Variants in ADGRL2 observed in about 807,000 individuals in gnomAD.
The protein encoded by ADGRL2 is adhesion G protein-coupled receptor L2.
A neutral mutation model predicts 157.4 loss-of-function variants in ADGRL2; 44 were observed. The ratio of observed to expected loss-of-function variants is 0.28; its 90% CI spans 0.22 to 0.36. ADGRL2 has a LOEUF of 0.36. Among genes scored for constraint, ADGRL2 ranks in the 10% least tolerant of loss-of-function variants. The pLI, the probability that ADGRL2 is intolerant of heterozygous loss-of-function variation, is 1.00. For synonymous variants in ADGRL2, 585 were observed against 624.7 expected, an observed-to-expected ratio of 0.94 and a Z score of 0.95; for missense variants, 1,510 against 1,768.9, an observed-to-expected ratio of 0.85 and a Z score of 2.63.
At chr1:81,428,591 T>C in intron 1 of ADGRL2, among the ~76,000 whole-genome samples, 1 of 151,752 alleles carries the variant, frequency 6.6e-6, no homozygotes, top group Non-Finnish European at 1.5e-5. Context: ...GAGAGGGAAG[T>C]GGGGGATGCA....
chr1:81,974,885 T>G (rs1659727419), intron 17 of ADGRL2, among the ~76,000 whole-genome samples: 1 of 152,090 alleles, frequency 6.6e-6, no homozygotes, highest in African/African-American at 2.4e-5. Context: ...ATTGGTGGGT[T>G]ATTATAAATA....
intron 2 of ADGRL2, among the ~76,000 whole-genome samples, chr1:81,576,082 A>G (rs116167853): frequency 0.027 from 4,144 of 152,170 alleles, 212 homozygotes; most frequent in African/African-American, 0.095. Context: ...AGGATTAAGC[A>G]TTTTATTTAA....
intron 1 of ADGRL2, among the ~76,000 whole-genome samples, chr1:81,740,105 G>A (rs72715761): frequency 5.3e-5 from 8 of 152,284 alleles, no homozygotes; most frequent in Non-Finnish European, 1.0e-4. Context: ...GAACTCACTT[G>A]TTAGCCCACA....
At chr1:81,519,123 G>A (rs1282111664) in intron 2 of ADGRL2, among the ~76,000 whole-genome samples, 1 of 152,142 alleles carries the variant, frequency 6.6e-6, no homozygotes, top group African/African-American at 2.4e-5. Flanking sequence ...TATTAACAAG[G>A]CAGAGACCTA....
At chr1:81,428,286 A>G (rs2077255564) in intron 1 of ADGRL2, among the ~76,000 whole-genome samples, 1 of 152,080 alleles carries the variant, frequency 6.6e-6, no homozygotes, top group Non-Finnish European at 1.5e-5. Context: ...GCATTTGTGA[A>G]TTTAATAGCA....
chr1:81,413,152 C>T (rs890333835), intron 1 of ADGRL2, among the ~76,000 whole-genome samples: 21 of 152,292 alleles, frequency 1.4e-4, no homozygotes, highest in African/African-American at 4.6e-4. Flanking sequence ...TAGCCCTCCA[C>T]CCACCTCAGC....
intron 2 of ADGRL2, among the ~76,000 whole-genome samples, chr1:81,789,603 G>A (rs1235747354): frequency 6.7e-6 from 1 of 149,424 alleles, no homozygotes; most frequent in Non-Finnish European, 1.5e-5. Flanking sequence ...GTGGGCGCCT[G>A]TAATCCCAAC....
intron 2 of ADGRL2, among the ~76,000 whole-genome samples, chr1:81,901,726 G>A (rs2094491317): frequency 6.6e-6 from 1 of 152,072 alleles, no homozygotes; most frequent in African/African-American, 2.4e-5. Flanking sequence ...GGTTTTAAAA[G>A]TTGATACTAA....
At chr1:81,821,769 A>G (rs529776812) in intron 1 of ADGRL2, among the ~76,000 whole-genome samples, 3 of 152,310 alleles carry the variant, frequency 2.0e-5, no homozygotes, top group East Asian at 3.9e-4. Flanking sequence ...AGAAACATAT[A>G]CTATTTACAC....
intron 2 of ADGRL2, among the ~76,000 whole-genome samples, chr1:81,523,623 A>T (rs975047048): frequency 1.2e-4 from 19 of 152,216 alleles, no homozygotes; most frequent in Non-Finnish European, 1.5e-5. Context: ...AAAAATACAA[A>T]TCGAAATCAC....
chr1:81,892,847 A>G (rs1245796553), intron 2 of ADGRL2, among the ~76,000 whole-genome samples: 2 of 152,184 alleles, frequency 1.3e-5, no homozygotes, highest in Admixed American at 6.5e-5. Flanking sequence ...CCATGGGAAC[A>G]CTAGTAGTCC....
chr1:81,543,375 G>A (rs909351958), intron 2 of ADGRL2, among the ~76,000 whole-genome samples: 1 of 152,156 alleles, frequency 6.6e-6, no homozygotes, highest in African/African-American at 2.4e-5. Context: ...CTATGAAGAA[G>A]CAGGCCCTTG....
At chr1:81,356,259 T>G (rs1210531483) in intron 1 of ADGRL2, among the ~76,000 whole-genome samples, 1 of 152,214 alleles carries the variant, frequency 6.6e-6, no homozygotes, top group Non-Finnish European at 1.5e-5. Context: ...GAAACGCACA[T>G]AAAATTTCAC....
intron 3 of ADGRL2, among the ~76,000 whole-genome samples, chr1:81,597,106 A>G (rs923010719): frequency 1.1e-4 from 16 of 152,218 alleles, no homozygotes; most frequent in Admixed American, 8.5e-4. Context: ...CTTCCTGAGA[A>G]AAGTATGTAA....
At chr1:81,730,258 C>T (rs780722419) in intron 1 of ADGRL2, among the ~76,000 whole-genome samples, 3 of 152,140 alleles carry the variant, frequency 2.0e-5, no homozygotes, top group Non-Finnish European at 4.4e-5. Flanking sequence ...TACATATTGC[C>T]TTAACCCTTT....
chr1:81,763,720 T>A (rs947941155), intron 2 of ADGRL2, among the ~76,000 whole-genome samples: 2 of 148,850 alleles, frequency 1.3e-5, no homozygotes, highest in African/African-American at 5.0e-5. Context: ...CTTTCTCTAC[T>A]AAAAATATAA....
In ADGRL2 at chr1:81,570,550, G is replaced by C. The variant is rs545172131; in HGVS notation, c.-247-10326G>C. On this transcript the variant is annotated intron_variant, in intron 2 of 24. Coordinates refer to the ADGRL2 transcript ENST00000370721. ...GCTACAGGCGTGTGCCACCACACCA[G>C]GCTAATTTTTGTATTTTTAGTAGAG... Among the ~76,000 whole-genome samples, 17 of 152,152 alleles carry C rather than the reference G, an allele frequency of 1.1e-4. No homozygotes were observed. The South Asian group carries it at 3.5e-3, about 32-fold the overall frequency.
chr1:81,992,513 T>A lies in ADGRL2; in HGVS notation c.*1368T>A, dbSNP rs1051887905. 6.6e-6 allele frequency: 1 copy of A among 152,484 alleles called. No individual in the cohort carries two copies. The highest frequency in any genetic ancestry group is 2.4e-5 in the African/African-American group (1 of 41,456). 9.4% of individuals were successfully genotyped at this position (152,484 alleles called of 1,614,324 possible). A position where few individuals can be genotyped will look rare whatever the true frequency, so the allele number is the denominator to read the frequency against. ...TGGTTTAAGTAACGTCATACCAAAGTCCATGGATATATGAAAGGATACAAT... is the reference window on the plus strand; with the variant it reads ...TGGTTTAAGTAACGTCATACCAAAGACCATGGATATATGAAAGGATACAAT... On this transcript the variant is annotated 3_prime_UTR_variant, in exon 24 of 24. Coordinates refer to ENST00000686636, the MANE Select transcript of ADGRL2 (RefSeq NM_001366006.2).
intron 2 of ADGRL2, among the ~76,000 whole-genome samples, chr1:81,560,255 T>A (rs778079250): frequency 1.3e-5 from 2 of 152,200 alleles, no homozygotes; most frequent in African/African-American, 4.8e-5. Flanking sequence ...ACACAGACAC[T>A]GGAGTCCAAA....
Sources: allele counts gnomAD v4.1 joint callset (sites outside exome capture counted in the v4.1 genomes callset), GRCh38; gene constraint gnomAD v4.1.1; transcripts MANE v1.5; gene names NCBI Gene and HGNC (gene_info 2026-07-23, HGNC 2026-07-21).